FAT3: variants seen among roughly 807,000 people sequenced by gnomAD.
FAT3 encodes protocadherin Fat 3.
FAT3 carries 95 observed loss-of-function variants against 310.2 expected under a neutral mutation model. The ratio of observed to expected loss-of-function variants is 0.31; its 90% CI spans 0.26 to 0.36. The LOEUF is 0.36. FAT3 is among the 10% of genes least tolerant of loss of function. FAT3 has a pLI of 1.00. For synonymous variants in FAT3, 2,314 were observed against 2,192.9 expected (o/e 1.06, Z -1.54); for missense variants, 5,408 against 5,715.6 (o/e 0.95, Z 1.74).
intron 10 of FAT3, among the ~76,000 whole-genome samples, chr11:92,802,213 GA>G (rs1947379819): frequency 6.6e-6 from 1 of 152,138 alleles, no homozygotes; most frequent in Admixed American, 6.5e-5. Flanking sequence ...TTGAAGGAAT[GA>G]AAATAACAAC....
chr11:92,525,682 TAGTG>T (rs58247310), intron 3 of FAT3, among the ~76,000 whole-genome samples: 55,896 of 151,586 alleles, frequency 0.37, 11,132 homozygotes, highest in Middle Eastern at 0.53. Flanking sequence ...AGGAGTAAAA[TAGTG>T]AGAGTTGTGA....
chr11:92,471,244 A>T (rs1292794289), intron 2 of FAT3, among the ~76,000 whole-genome samples: 1 of 152,200 alleles, frequency 6.6e-6, no homozygotes, highest in Non-Finnish European at 1.5e-5. Context: ...AATGAAGTGT[A>T]ATTATTGGGG....
chr11:92,560,772 G>C (rs1335778883), intron 3 of FAT3, among the ~76,000 whole-genome samples: 1 of 152,154 alleles, frequency 6.6e-6, no homozygotes, highest in East Asian at 1.9e-4. Context: ...GGTGCTGGCA[G>C]ATCTCTGGTT....
At chr11:92,668,604 T>C (rs1943030563) in intron 3 of FAT3, among the ~76,000 whole-genome samples, 1 of 152,230 alleles carries the variant, frequency 6.6e-6, no homozygotes, top group African/African-American at 2.4e-5. Flanking sequence ...TTAACTTTCC[T>C]GAACCTCACT....
chr11:92,321,594 A>G (rs1388003139), intron 1 of FAT3, among the ~76,000 whole-genome samples: 8 of 152,200 alleles, frequency 5.3e-5, no homozygotes, highest in Non-Finnish European at 1.2e-4. Flanking sequence ...AAAAAAAGAA[A>G]AAAAAATTGG....
chr11:92,874,685 A>G (rs964870278), intron 22 of FAT3, among the ~76,000 whole-genome samples: 2 of 152,180 alleles, frequency 1.3e-5, no homozygotes, highest in Non-Finnish European at 2.9e-5. Flanking sequence ...GATTATAGGC[A>G]TGCACCACCA....
chr11:92,822,896 C>T (rs1948007017), intron 13 of FAT3, among the ~76,000 whole-genome samples: 1 of 152,178 alleles, frequency 6.6e-6, no homozygotes, highest in African/African-American at 2.4e-5. Flanking sequence ...TTGTTAACTT[C>T]ACACATGTTC....
chr11:92,368,847 TACACACATACAC>T (rs1461399509), intron 2 of FAT3, among the ~76,000 whole-genome samples: 14 of 133,530 alleles, frequency 1.0e-4, no homozygotes, highest in African/African-American at 3.7e-4. Context: ...TATATATATA[TACACACATACAC>T]ATATATATAT....
intron 2 of FAT3, among the ~76,000 whole-genome samples, chr11:92,418,627 A>C (rs1392739990): frequency 4.6e-5 from 7 of 151,964 alleles, no homozygotes; most frequent in Non-Finnish European, 1.0e-4. Context: ...TTGCCTCCCC[A>C]GGACCCATCT....
intron 22 of FAT3, among the ~76,000 whole-genome samples, chr11:92,872,863 A>G (rs1325830154): frequency 6.6e-6 from 1 of 152,196 alleles, no homozygotes; most frequent in East Asian, 1.9e-4. Context: ...TGAAATGGCA[A>G]AGTAACTTCA....
chr11:92,857,339 G>C lies in FAT3; in HGVS notation c.11491G>C (p.Glu3831Gln), dbSNP rs747966320. Reference protein sequence around the residue: ...LCQCPPGKLGECSGHTSLSFA... With the variant: ...LCQCPPGKLGQCSGHTSLSFA... ...CCAGTGTCCACCAGGGAAGCTCGGAGAGTGCTCAGGTGCAGAGTGGAGTGG... is the reference window on the plus strand; with the variant it reads ...CCAGTGTCCACCAGGGAAGCTCGGACAGTGCTCAGGTGCAGAGTGGAGTGG... The change falls in exon 20 of 28, where the codon GAG becomes CAG. Residue 3831 changes from glutamate (E) to glutamine (Q), a missense_variant. Glu to Gln is a conservative substitution (Grantham distance 29). This residue lies in a region of FAT3 where 4,588 missense variants were observed against 4,809.8 expected (regional missense o/e 0.95). Coordinates refer to ENST00000525166, the MANE Select transcript of FAT3 (RefSeq NM_001367949.2). 5 of 1,614,030 alleles carry C rather than the reference G, an allele frequency of 3.1e-6. No homozygotes were observed. In the East Asian group the frequency reaches 8.9e-5, roughly 29 times the overall value.
chr11:92,746,716 TG>T (rs935923052), intron 4 of FAT3, among the ~76,000 whole-genome samples: 2 of 152,144 alleles, frequency 1.3e-5, no homozygotes, highest in African/African-American at 4.8e-5. Context: ...CCAGATACAA[TG>T]GGGGTACAGG....
In FAT3 at chr11:92,883,061, A is replaced by G. The variant is rs765816228; in HGVS notation, c.12605A>G (p.Asn4202Ser). ...GACCCGGCCACCGCCGCCCTGCTTA[A>G]CAAGAGCAATGGCATCCCGTTCCGG... ...VQDPATAALL[N>S]KSNGIPFRNL... The change falls in exon 24 of 28, where the codon AAC (asparagine) becomes AGC (serine). Residue 4202 changes from asparagine to serine, a missense_variant. By Grantham distance (46) the Asn-to-Ser change is conservative. Coordinates refer to ENST00000525166, the MANE Select transcript of FAT3 (RefSeq NM_001367949.2). The surrounding 1 kb of genome is among the most constrained non-coding windows in gnomAD (Gnocchi z 4.2). The G allele has an allele frequency of 1.9e-6, 3 of 1,613,962 alleles. No individual in the cohort carries two copies. Among genetic ancestry groups the G allele is most frequent in the South Asian group, 1.1e-5 (1 of 91,090 alleles).
At chr11:92,525,600 G>A (rs1953835471) in intron 3 of FAT3, among the ~76,000 whole-genome samples, 3 of 152,290 alleles carry the variant, frequency 2.0e-5, no homozygotes, top group Admixed American at 6.5e-5. Flanking sequence ...AGGTATGTAC[G>A]TTGGAAAAGT....
In FAT3 at chr11:92,262,570, GTTTC is replaced by G. The variant is rs2134310438; in HGVS notation, c.-18+37401_-18+37404del. ...TCCAGAGTCTCAGGGAATTAGGCAAGTTTCTTTCCCCATCCAGTGGAGTTTTTGC... is the reference window on the plus strand; with the variant it reads ...TCCAGAGTCTCAGGGAATTAGGCAAGTTTCCCCATCCAGTGGAGTTTTTGC... On this transcript the variant is annotated intron_variant, in intron 1 of 27. Transcript: ENST00000525166. Among the ~76,000 whole-genome samples, 2 of 152,210 alleles carry G rather than the reference GTTTC, an allele frequency of 1.3e-5. 1 individual carries two copies. Among genetic ancestry groups the G allele is most frequent in the South Asian group, 4.1e-4 (2 of 4,828 alleles).
chr11:92,829,527 T>A (rs917259670), intron 13 of FAT3, among the ~76,000 whole-genome samples: 3 of 152,166 alleles, frequency 2.0e-5, no homozygotes, highest in Admixed American at 2.0e-4. Flanking sequence ...AGGGCCATTG[T>A]TTTCCAGGTG....
chr11:92,546,997 C>T (rs1192384417), intron 3 of FAT3, among the ~76,000 whole-genome samples: 1 of 152,180 alleles, frequency 6.6e-6, no homozygotes, highest in African/African-American at 2.4e-5. Flanking sequence ...AGACGATTCA[C>T]ATAATACGTA....
At position 92,799,974 on chromosome 11, in the gene FAT3, A is replaced by G. The variant is rs373911827; in HGVS notation, c.6961A>G (p.Met2321Val). 7.4e-6 allele frequency: 12 copies of G among 1,613,388 alleles called. No homozygotes were observed. Among genetic ancestry groups the G allele is most frequent in the Non-Finnish European group, 1.7e-6 (2 of 1,179,684 alleles). The change falls in exon 10 of 28, where the codon ATG becomes GTG. Residue 2321 changes from methionine (M) to valine (V), a missense_variant. By Grantham distance (21) the Met-to-Val change is conservative. Around this residue, in one of 5 missense-constraint regions of FAT3, gnomAD observed 4,588 missense variants for 4,809.8 expected, o/e 0.95. Coordinates refer to ENST00000525166, the MANE Select transcript of FAT3 (RefSeq NM_001367949.2). ...TGATGCAGACTCAGAAAACAATAAA[A>G]TGGTACATTATCAGATTGTCCAGGA... ...SIDADSENNK[M>V]VHYQIVQDTY...
intron 1 of FAT3, among the ~76,000 whole-genome samples, chr11:92,237,438 T>C (rs1381886633): frequency 2.6e-5 from 4 of 152,124 alleles, no homozygotes; most frequent in Non-Finnish European, 5.9e-5. Context: ...ACTAGGGACT[T>C]TTCCCTTATT....
Sources: gnomAD v4.1 joint callset for allele counts (sites outside exome capture counted in the v4.1 genomes callset) on GRCh38, gnomAD v4.1.1 for gene constraint, gnomAD v4.1.1 regional missense constraint, Gnocchi (gnomAD v3.1) non-coding constraint, MANE v1.5 for transcripts, NCBI Gene and HGNC (gene_info 2026-07-23, HGNC 2026-07-21) for gene names.